VIPR2: variants seen among roughly 807,000 people sequenced by gnomAD.
The protein encoded by VIPR2 is vasoactive intestinal peptide receptor 2, also known as vasoactive intestinal polypeptide receptor 2.
VIPR2 carries 48 observed loss-of-function variants against 58.0 expected under a neutral mutation model. The observed-to-expected ratio is 0.83, with a 90% confidence interval of 0.66 to 1.05. The LOEUF is 1.05. VIPR2 is among the 50% of genes least tolerant of loss of function. The pLI, the probability that VIPR2 is intolerant of heterozygous loss-of-function variation, is 0.00. For synonymous variants in VIPR2, 243 were observed against 235.2 expected (o/e 1.03, Z -0.30); for missense variants, 534 against 558.0 (o/e 0.96, Z 0.43).
chr7:159,092,116 T>C (rs761596720), intron 4 of VIPR2, among the ~76,000 whole-genome samples: 4 of 152,206 alleles, frequency 2.6e-5, no homozygotes, highest in Non-Finnish European at 5.9e-5. Context: ...AGGGCTTTCC[T>C]GTGAAGACAG....
At chr7:159,030,813 C>CG in intron 12 of VIPR2, 24 bp from the exon 13 acceptor site, 1 of 1,536,226 alleles carries the variant, frequency 6.5e-7, no homozygotes, top group East Asian at 2.5e-5. Flanking sequence ...GCAGCGGGAA[C>CG]GCCCGTGAGC....
intron 5 of VIPR2, among the ~76,000 whole-genome samples, chr7:159,052,909 C>T (rs560941701): frequency 6.6e-6 from 1 of 152,310 alleles, no homozygotes; most frequent in East Asian, 1.9e-4. Flanking sequence ...AAAATATCTA[C>T]AGCAAACATC....
intron 5 of VIPR2, among the ~76,000 whole-genome samples, chr7:159,051,705 A>G (rs1855017509): frequency 1.3e-5 from 2 of 152,236 alleles, no homozygotes; most frequent in African/African-American, 4.8e-5. Flanking sequence ...GTATACCTTG[A>G]AAATGCAAAA....
At chr7:159,102,548 T>C (rs1043969044) in intron 4 of VIPR2, among the ~76,000 whole-genome samples, 1 of 152,222 alleles carries the variant, frequency 6.6e-6, no homozygotes, top group African/African-American at 2.4e-5. Context: ...CTTCCTTTCC[T>C]AGGGTTTAAT....
In VIPR2 at chr7:159,054,790, C is replaced by T. The variant is rs550520926; in HGVS notation, c.455+3691G>A. On this transcript the variant is annotated intron_variant, in intron 5 of 12. Transcript: ENST00000262178. Reference sequence around the variant, plus strand: ...AATAAATTTATTTTTAATGGACACACGGTAACTGTACATATTTATGGGGTA... The same window carrying T: ...AATAAATTTATTTTTAATGGACACATGGTAACTGTACATATTTATGGGGTA... Among the ~76,000 whole-genome samples, 9 of 152,208 alleles carry T rather than the reference C, an allele frequency of 5.9e-5. No individual in the cohort carries two copies. The South Asian group carries it at 6.2e-4, about 11-fold the overall frequency.
rs1853590448 is a variant in VIPR2 at position 159,031,608 on chromosome 7, G to A, written c.1143+220C>T. The A allele has an allele frequency of 1.0e-5, 10 of 985,454 alleles. No individual in the cohort carries two copies. Among genetic ancestry groups the A allele is most frequent in the Non-Finnish European group, 1.2e-5 (10 of 829,936 alleles). The allele number at this position is 985,454 out of a possible 1,614,324, so 61.0% of individuals were successfully genotyped here. On this transcript the variant is annotated intron_variant, in intron 12 of 12. Transcript: ENST00000262178. The surrounding 1 kb of genome is among the most constrained non-coding windows in gnomAD (Gnocchi z 4.0). ...CGGACGGCAGTCGATGCTACTTAGGGTGGACGGAAGGACGGCGGGGTTTGG... is the reference window on the plus strand; with the variant it reads ...CGGACGGCAGTCGATGCTACTTAGGATGGACGGAAGGACGGCGGGGTTTGG...
chr7:159,111,476 G>A (rs959255754), intron 2 of VIPR2, among the ~76,000 whole-genome samples: 1 of 151,898 alleles, frequency 6.6e-6, no homozygotes, highest in African/African-American at 2.4e-5. Context: ...GGTCAGGAGT[G>A]TGAGAACAGC....
At chr7:159,082,051 G>T (rs1402764987) in intron 4 of VIPR2, among the ~76,000 whole-genome samples, 5 of 152,220 alleles carry the variant, frequency 3.3e-5, no homozygotes, top group African/African-American at 9.6e-5. Context: ...GTGGAAGTCG[G>T]TGTGGCGATT....
rs1376424549 is a variant in VIPR2 at position 159,127,532 on chromosome 7, C to G, written c.151+14914G>C. 6.6e-6 allele frequency among the ~76,000 whole-genome samples: 1 copy of G among 152,170 alleles called. No homozygotes were observed. The highest frequency in any genetic ancestry group is 6.5e-5 in the Admixed American group (1 of 15,282). The stretch of plus-strand genomic sequence containing the variant: ...CATCCAAGTATGCTCCAAATTGAGC[C>G]TGAGTCAGTCCAATACATGTGGTTG... On this transcript the variant is annotated intron_variant, in intron 2 of 12. Coordinates refer to ENST00000262178, the MANE Select transcript of VIPR2 (RefSeq NM_003382.5). This position sits in a 1 kb window ranked among gnomAD's most constrained non-coding sequence, Gnocchi z 4.6.
chr7:159,063,468 C>T (rs113213377), intron 4 of VIPR2, among the ~76,000 whole-genome samples: 1 of 151,992 alleles, frequency 6.6e-6, no homozygotes, highest in East Asian at 2.0e-4. Context: ...CTTGCGCTGG[C>T]CCGCAAGGGC....
chr7:159,112,771 T>C (rs112271504), intron 2 of VIPR2, among the ~76,000 whole-genome samples: 7,420 of 62,158 alleles, frequency 0.12, 1 homozygote, highest in East Asian at 0.25. Flanking sequence ...AGGAGGCTCA[T>C]GGCGCCTGCC....
chr7:159,127,288 G>A lies in VIPR2; in HGVS notation c.151+15158C>T, dbSNP rs1384313620. ...GGAAACTGGATCACAGCAGAATTCT[G>A]AATTTCAGAAACAGCGGTTTGATTC... On this transcript the variant is annotated intron_variant, in intron 2 of 12. Transcript: ENST00000262178. The surrounding 1 kb of genome is among the most constrained non-coding windows in gnomAD (Gnocchi z 4.6). Among the ~76,000 whole-genome samples, 1 of 152,194 alleles carries A rather than the reference G, an allele frequency of 6.6e-6. No individual in the cohort carries two copies. Among genetic ancestry groups the A allele is most frequent in the African/African-American group, 2.4e-5 (1 of 41,444 alleles).
At chr7:159,089,531 T>A (rs1010223351) in intron 4 of VIPR2, among the ~76,000 whole-genome samples, 2 of 152,276 alleles carry the variant, frequency 1.3e-5, no homozygotes, top group African/African-American at 4.8e-5. Flanking sequence ...TAGAATTTCA[T>A]GTAAAGTGCT....
At position 159,128,004 on chromosome 7, in the gene VIPR2, A is replaced by C. The variant is rs1480036543; in HGVS notation, c.151+14442T>G. The stretch of plus-strand genomic sequence containing the variant: ...CTTCCTGGATCATCCCAGAACATAC[A>C]TCCACAGCGCCAGGACAAACCACCG... On this transcript the variant is annotated intron_variant, in intron 2 of 12. Coordinates refer to ENST00000262178, the MANE Select transcript of VIPR2 (RefSeq NM_003382.5). This position sits in a 1 kb window ranked among gnomAD's most constrained non-coding sequence, Gnocchi z 4.1. 6.6e-6 allele frequency among the ~76,000 whole-genome samples: 1 copy of C among 152,094 alleles called. No homozygotes were observed. The highest frequency in any genetic ancestry group is 2.4e-5 in the African/African-American group (1 of 41,422).
intron 3 of VIPR2, among the ~76,000 whole-genome samples, chr7:159,109,073 C>T (rs886793998): frequency 6.6e-6 from 1 of 152,250 alleles, no homozygotes; most frequent in Non-Finnish European, 1.5e-5. Flanking sequence ...TACCCTTTAA[C>T]CTCTGTCCAA....
chr7:159,090,135 ACACGCTGGGACCACACACAGG>A (rs1857382355), intron 4 of VIPR2, among the ~76,000 whole-genome samples: 3 of 139,296 alleles, frequency 2.2e-5, no homozygotes, highest in African/African-American at 8.7e-5. Flanking sequence ...CTCAGCACAG[ACACGCTGGGACCACACACAGG>A]GGCCACCTCT....
At chr7:159,051,726 A>G (rs550106674) in intron 5 of VIPR2, among the ~76,000 whole-genome samples, 1 of 152,332 alleles carries the variant, frequency 6.6e-6, no homozygotes, top group East Asian at 1.9e-4. Flanking sequence ...TAAAGCTAAT[A>G]AAATTATCTT....
At position 159,096,111 on chromosome 7, in the gene VIPR2, G is replaced by C. The variant is rs1857823268; in HGVS notation, c.357+7646C>G. On this transcript the variant is annotated intron_variant, in intron 4 of 12. Transcript: ENST00000262178. The surrounding 1 kb of genome is among the most constrained non-coding windows in gnomAD (Gnocchi z 5.5). ...GCTGAACATCTGCCGCCCACATACA[G>C]ACCTCCCCTTAAGGGGAGCAGCAGG... Among the ~76,000 whole-genome samples, 1 of 152,126 alleles carries C rather than the reference G, an allele frequency of 6.6e-6. No individual in the cohort carries two copies. Among genetic ancestry groups the C allele is most frequent in the Non-Finnish European group, 1.5e-5 (1 of 68,028 alleles).
chr7:159,132,893 C>CAGAATGATTGGCATACAGATTGATTTT (rs1797011359), intron 2 of VIPR2, among the ~76,000 whole-genome samples: 8 of 23,786 alleles, frequency 3.4e-4, no homozygotes, highest in South Asian at 1.3e-3. Flanking sequence ...AGATTGATTT[C>CAGAATGATTGGCATACAGATTGATTTT]AGACAGAATG....
Sources: gnomAD v4.1 joint callset for allele counts (sites outside exome capture counted in the v4.1 genomes callset) on GRCh38, gnomAD v4.1.1 for gene constraint, Gnocchi (gnomAD v3.1) non-coding constraint, MANE v1.5 for transcripts, NCBI Gene and HGNC (gene_info 2026-07-23, HGNC 2026-07-21) for gene names.